SNAPC1: variants seen among roughly 807,000 people sequenced by gnomAD.
SNAPC1 encodes the protein snRNA-activating protein complex subunit 1.
SNAPC1 carries 42 observed loss-of-function variants against 50.1 expected under a neutral mutation model. The ratio of observed to expected loss-of-function variants is 0.84; its 90% CI spans 0.65 to 1.08. The LOEUF (loss-of-function observed/expected upper bound fraction) is 1.08, where lower values mean the gene tolerates loss of function less well. SNAPC1 is among the 50% of genes least tolerant of loss of function. SNAPC1 has a pLI of 0.00. For synonymous variants in SNAPC1, 164 were observed against 144.2 expected (o/e 1.14, Z -0.98); for missense variants, 477 against 427.3 (o/e 1.12, Z -1.02).
At position 61,778,899 on chromosome 14, in the gene SNAPC1, G is replaced by T. The variant is rs149182738; in HGVS notation, c.814G>T (p.Val272Phe). ...GAAAATAAAATCAAAGGCCTTTTCA[G>T]TTGTCATACAGGTAAGTTATTCTTT... ...LAKIKSKAFS[V>F]VIQASKSRRH... is the part of the protein sequence containing the mutation. Residue 272 changes from valine to phenylalanine, a missense_variant, in exon 7 of 10, where the codon GTT becomes TTT. Physicochemically the swap from Val to Phe is conservative, Grantham distance 50. Coordinates refer to ENST00000216294, the MANE Select transcript of SNAPC1 (RefSeq NM_003082.4). 1.3e-6 allele frequency: 2 copies of T among 1,541,376 alleles called. No homozygotes were observed. The highest frequency in any genetic ancestry group is 1.8e-6 in the Non-Finnish European group (2 of 1,138,412).
At chr14:61,789,536 AG>A (rs1359646489) in intron 8 of SNAPC1, among the ~76,000 whole-genome samples, 1 of 152,212 alleles carries the variant, frequency 6.6e-6, no homozygotes, top group Non-Finnish European at 1.5e-5. Flanking sequence ...GTGTTACTTT[AG>A]TAATCAGTAG....
chr14:61,771,982 G>A (rs922371251), intron 4 of SNAPC1, among the ~76,000 whole-genome samples: 3 of 152,164 alleles, frequency 2.0e-5, no homozygotes, highest in African/African-American at 4.8e-5. Flanking sequence ...AGAAAGTTGA[G>A]AAATGCTGAT....
Position 61,765,348 on chromosome 14 carries a change from A to G in SNAPC1, c.129-1528A>G, listed in dbSNP as rs111661856. On this transcript the variant is annotated intron_variant, in intron 1 of 9. Transcript: ENST00000216294. The stretch of plus-strand genomic sequence containing the variant: ...GTTATTTTGCCAAGGTTGAGGACGC[A>G]CCCGTGACACAGCCTCAGGAAGTCG... Among the ~76,000 whole-genome samples, 1,320 of 152,290 alleles carry G rather than the reference A, an allele frequency of 8.7e-3. 7 individuals are homozygous for G. The highest frequency in any genetic ancestry group is 0.031 in the Middle Eastern group (9 of 294).
At chr14:61,777,119 A>G (rs543131818) in intron 5 of SNAPC1, among the ~76,000 whole-genome samples, 118 of 152,340 alleles carry the variant, frequency 7.7e-4, no homozygotes, top group African/African-American at 5.5e-4. Flanking sequence ...ACTGTTATCT[A>G]TATATTGTCC....
chr14:61,780,745 T>C (rs1165944832), intron 7 of SNAPC1, among the ~76,000 whole-genome samples: 1 of 152,188 alleles, frequency 6.6e-6, no homozygotes, highest in Non-Finnish European at 1.5e-5. Flanking sequence ...GTCGTAGGTG[T>C]GTGGCTTTAT....
At chr14:61,790,906 C>T (rs1049216346) in intron 8 of SNAPC1, among the ~76,000 whole-genome samples, 9 of 152,198 alleles carry the variant, frequency 5.9e-5, no homozygotes, top group Admixed American at 1.3e-4. Context: ...CTGATCATTG[C>T]ACCCCACACA....
chr14:61,774,079 G>A (rs1401484588), intron 4 of SNAPC1, among the ~76,000 whole-genome samples: 1 of 151,894 alleles, frequency 6.6e-6, no homozygotes, highest in Non-Finnish European at 1.5e-5. Context: ...GGCACAATAA[G>A]GTACAGACAC....
intron 5 of SNAPC1, 156 bp downstream of exon 5, chr14:61,776,409 A>G: frequency 1.6e-6 from 1 of 641,266 alleles, no homozygotes; most frequent in Non-Finnish European, 2.7e-6. Flanking sequence ...TTTGCCACTT[A>G]TTAGGTATGT....
At chr14:61,773,160 A>G (rs2045005856) in intron 4 of SNAPC1, among the ~76,000 whole-genome samples, 1 of 147,002 alleles carries the variant, frequency 6.8e-6, no homozygotes, top group East Asian at 1.9e-4. Flanking sequence ...GAGGCATAAT[A>G]AAATGAAAAG....
chr14:61,762,762 C>T (rs1490495485), intron 1 of SNAPC1, among the ~76,000 whole-genome samples, 174 bp downstream of exon 1: 1 of 152,004 alleles, frequency 6.6e-6, no homozygotes, highest in Non-Finnish European at 1.5e-5. Context: ...TTTCCCTGCT[C>T]TATTTCATTG....
chr14:61,792,964 G>C lies in SNAPC1; in HGVS notation c.1072+62G>C, dbSNP rs1191454250. On this transcript the variant is annotated intron_variant, in intron 9 of 9. Coordinates refer to ENST00000216294, the MANE Select transcript of SNAPC1 (RefSeq NM_003082.4). ...TAACTTATACTCGTAGAGCATCAAG[G>C]TTTAGAACCCTTGAGGAACATGACA... 5 of 785,694 alleles carry C rather than the reference G, an allele frequency of 6.4e-6. No individual in the cohort carries two copies. The Admixed American group carries it at 1.2e-4, about 19-fold the overall frequency. The allele number at this position is 785,694 out of a possible 1,614,324, so 48.7% of individuals were successfully genotyped here.
chr14:61,776,373 T>C, intron 5 of SNAPC1, 120 bp downstream of exon 5: 2 of 883,620 alleles, frequency 2.3e-6, no homozygotes, highest in Non-Finnish European at 3.5e-6. Flanking sequence ...CTAAGATTTA[T>C]AGGGCTTGGC....
intron 8 of SNAPC1, among the ~76,000 whole-genome samples, chr14:61,784,410 T>G (rs561842349): frequency 6.6e-6 from 1 of 152,280 alleles, no homozygotes; most frequent in Admixed American, 6.5e-5. Flanking sequence ...GTGAATTTAT[T>G]TTAATAGTTA....
At chr14:61,776,309 G>C in intron 5 of SNAPC1, 56 bp downstream of exon 5, 2 of 1,482,030 alleles carry the variant, frequency 1.3e-6, no homozygotes, top group South Asian at 2.3e-5. Flanking sequence ...ATGTTTATCC[G>C]TGGATGATAA....
At chr14:61,790,520 G>A (rs561323121) in intron 8 of SNAPC1, among the ~76,000 whole-genome samples, 1 of 152,272 alleles carries the variant, frequency 6.6e-6, no homozygotes, top group Non-Finnish European at 1.5e-5. Flanking sequence ...ATTTTTAGTA[G>A]AGACGGAGTC....
intron 6 of SNAPC1, among the ~76,000 whole-genome samples, chr14:61,778,351 A>G (rs943360784): frequency 6.6e-6 from 1 of 152,236 alleles, no homozygotes; most frequent in East Asian, 1.9e-4. Flanking sequence ...AGGGAAAGGA[A>G]AGCTTGACTA....
Position 61,795,247 on chromosome 14 carries a change from C to T in SNAPC1, c.*264C>T, listed in dbSNP as rs1246193181. Reference sequence around the variant, plus strand: ...GTAATAGAAAAAATTCTGTTATTCGCAGATTGTTACTATTTCCTATAAGGT... The same window carrying T: ...GTAATAGAAAAAATTCTGTTATTCGTAGATTGTTACTATTTCCTATAAGGT... On this transcript the variant is annotated 3_prime_UTR_variant, in exon 10 of 10. Transcript: ENST00000216294. 2.1e-5 allele frequency: 8 copies of T among 388,676 alleles called. No homozygotes were observed. Among genetic ancestry groups the T allele is most frequent in the Non-Finnish European group, 3.7e-5 (8 of 218,736 alleles). 24.1% of individuals were successfully genotyped at this position (388,676 alleles called of 1,614,324 possible). A position where few individuals can be genotyped will look rare whatever the true frequency, so the allele number is the denominator to read the frequency against.
chr14:61,784,644 CT>C (rs2045101704), intron 8 of SNAPC1, among the ~76,000 whole-genome samples: 1 of 152,210 alleles, frequency 6.6e-6, no homozygotes, highest in African/African-American at 2.4e-5. Context: ...TCCAGTAAAA[CT>C]GTATAAAAGC....
intron 4 of SNAPC1, among the ~76,000 whole-genome samples, chr14:61,773,407 T>G (rs1190208442): frequency 2.1e-5 from 3 of 145,654 alleles, no homozygotes; most frequent in South Asian, 4.5e-4. Flanking sequence ...GTTTTTTTTT[T>G]TTTTTTTTTT....
Sources: allele counts gnomAD v4.1 joint callset (sites outside exome capture counted in the v4.1 genomes callset), GRCh38; gene constraint gnomAD v4.1.1; transcripts MANE v1.5; gene names NCBI Gene and HGNC (gene_info 2026-07-23, HGNC 2026-07-21).